The following PLCXD2 variants were observed in gnomAD, a reference collection of about 807,000 sequenced individuals.
PLCXD2 encodes the protein PI-PLC X domain-containing protein 2.
A neutral mutation model predicts 28.6 loss-of-function variants in PLCXD2; 21 were observed. That is an observed-to-expected ratio of 0.73 (90% CI 0.52 to 1.06). PLCXD2 has a LOEUF of 1.06. Ranked by LOEUF, PLCXD2 falls within the 50% of genes least tolerant of loss-of-function variation. PLCXD2 has a pLI of 0.00. For synonymous variants in PLCXD2, 140 were observed against 150.1 expected (o/e 0.93, Z 0.49); for missense variants, 369 against 376.7 (o/e 0.98, Z 0.17).
intron 2 of PLCXD2, 27 bp from the exon 3 acceptor site, chr3:111,713,860 C>G (rs369570290): frequency 1.9e-6 from 3 of 1,599,286 alleles, no homozygotes; most frequent in African/African-American, 1.3e-5. Flanking sequence ...ATGGATTGCT[C>G]TCCTTTTTGT....
rs940183496 is a variant in PLCXD2 at position 111,684,914 on chromosome 3, C to T, written c.163+9506C>T. The stretch of plus-strand genomic sequence containing the variant: ...AAGAGAAAGTGTCAGCAGGACTTGG[C>T]GATTAATTGGAGGGCAAAAGAGAAG... On this transcript the variant is annotated intron_variant, in intron 1 of 4. Coordinates refer to ENST00000477665, the MANE Select transcript of PLCXD2 (RefSeq NM_001185106.1). Among the ~76,000 whole-genome samples the T allele has an allele frequency of 7.9e-5, 12 of 151,902 alleles. No homozygotes were observed. In the South Asian group the frequency reaches 1.9e-3, roughly 24 times the overall value.
At chr3:111,701,010 G>T (rs1306301089) in intron 1 of PLCXD2, among the ~76,000 whole-genome samples, 1 of 152,114 alleles carries the variant, frequency 6.6e-6, no homozygotes, top group East Asian at 1.9e-4. Flanking sequence ...CAGAGTGGAG[G>T]CTAAGTTTTC....
intron 3 of PLCXD2, chr3:111,725,970 A>G (rs961594040): frequency 1.3e-5 from 5 of 397,876 alleles, no homozygotes; most frequent in Non-Finnish European, 2.2e-5. Context: ...AGTGATGTCC[A>G]ATACACTCTT....
At chr3:111,715,691 G>A (rs1358517718) in intron 3 of PLCXD2, among the ~76,000 whole-genome samples, 4 of 152,114 alleles carry the variant, frequency 2.6e-5, no homozygotes, top group Non-Finnish European at 4.4e-5. Flanking sequence ...TCTTTAGATG[G>A]GATTCAGGGA....
rs909674418 is a variant in PLCXD2 at position 111,680,255 on chromosome 3, C to T, written c.163+4847C>T. On this transcript the variant is annotated intron_variant, in intron 1 of 4. Coordinates refer to ENST00000477665, the MANE Select transcript of PLCXD2 (RefSeq NM_001185106.1). ...TCAGATCTTGCTTCTGAAAGTTGAA[C>T]CAGATTTGGCATATCTAAAAGAGAT... 3.3e-5 allele frequency among the ~76,000 whole-genome samples: 5 copies of T among 152,218 alleles called. No homozygotes were observed. In the South Asian group the frequency reaches 1.0e-3, roughly 32 times the overall value.
intron 1 of PLCXD2, among the ~76,000 whole-genome samples, chr3:111,695,858 T>C (rs932801670): frequency 2.6e-5 from 4 of 152,228 alleles, no homozygotes; most frequent in African/African-American, 7.2e-5. Context: ...TTAAAACTTA[T>C]GAATTGTTTA....
At chr3:111,702,945 G>A (rs1415135854) in intron 1 of PLCXD2, among the ~76,000 whole-genome samples, 1 of 152,150 alleles carries the variant, frequency 6.6e-6, no homozygotes, top group African/African-American at 2.4e-5. Flanking sequence ...TATAAATATT[G>A]TATGTGCAGG....
chr3:111,720,802 G>A (rs1275447858), intron 3 of PLCXD2: 6 of 416,692 alleles, frequency 1.4e-5, no homozygotes, highest in East Asian at 3.6e-5. Context: ...ATCTGACTTC[G>A]TGGACCTGGT....
chr3:111,706,363 C>T (rs781595269), intron 1 of PLCXD2, among the ~76,000 whole-genome samples: 2 of 152,014 alleles, frequency 1.3e-5, no homozygotes, highest in African/African-American at 2.4e-5. Context: ...AGGGTGGAGA[C>T]GTCAGTTTAA....
At chr3:111,714,255 AC>A in intron 3 of PLCXD2, 127 bp downstream of exon 3, 1 of 1,274,836 alleles carries the variant, frequency 7.8e-7, no homozygotes, top group African/African-American at 1.5e-5. Context: ...CAAGCAAAAA[AC>A]TTTGTATTCG....
intron 3 of PLCXD2, chr3:111,721,245 G>A (rs1294594088): frequency 6.4e-6 from 1 of 155,658 alleles, no homozygotes; most frequent in Non-Finnish European, 1.4e-5. Context: ...CTGGGGTGTT[G>A]TGTTTGAGCC....
intron 1 of PLCXD2, among the ~76,000 whole-genome samples, chr3:111,686,053 C>T (rs911049575): frequency 6.6e-6 from 1 of 152,134 alleles, no homozygotes; most frequent in Non-Finnish European, 1.5e-5. Context: ...CCTTTGGTGC[C>T]CCTCTGGCAA....
intron 3 of PLCXD2, 139 bp downstream of exon 3, chr3:111,714,267 A>T: frequency 8.5e-7 from 1 of 1,177,848 alleles, no homozygotes; most frequent in Non-Finnish European, 1.2e-6. Flanking sequence ...TTTGTATTCG[A>T]GAAAACCATG....
At chr3:111,710,428 T>G (rs868760275) in intron 2 of PLCXD2, among the ~76,000 whole-genome samples, 1 of 152,242 alleles carries the variant, frequency 6.6e-6, no homozygotes, top group Non-Finnish European at 1.5e-5. Context: ...TTTGATCCTC[T>G]CAGTGACACC....
At chr3:111,687,736 G>C (rs1185041842) in intron 1 of PLCXD2, among the ~76,000 whole-genome samples, 1 of 150,664 alleles carries the variant, frequency 6.6e-6, no homozygotes, top group Non-Finnish European at 1.5e-5. Flanking sequence ...ACCCAAGCTG[G>C]AGTACAGTGA....
At chr3:111,691,064 G>A (rs1421351790) in intron 1 of PLCXD2, among the ~76,000 whole-genome samples, 2 of 151,660 alleles carry the variant, frequency 1.3e-5, no homozygotes, top group Admixed American at 1.3e-4. Context: ...AGGAATCTGT[G>A]TGAGCAGAAA....
chr3:111,720,895 T>C, intron 3 of PLCXD2: 1 of 416,774 alleles, frequency 2.4e-6, no homozygotes, highest in Non-Finnish European at 4.4e-6. Context: ...TAATTTTTAA[T>C]TTAACCTTAA....
At position 111,708,036 on chromosome 3, in the gene PLCXD2, A is replaced by AG. The variant is rs1559796438; in HGVS notation, c.274_275insG (p.Lys92ArgfsTer23). The AG allele has an allele frequency of 1.9e-6, 3 of 1,614,204 alleles. No individual in the cohort carries two copies. Among genetic ancestry groups the AG allele is most frequent in the Non-Finnish European group, 2.5e-6 (3 of 1,180,030 alleles). On this transcript the variant is annotated frameshift_variant, in exon 2 of 5. Coordinates refer to ENST00000477665, the MANE Select transcript of PLCXD2 (RefSeq NM_001185106.1). LOFTEE classifies it high-confidence loss of function. ...GATCTCCTTGGTGAAGAAGCTAATG[A>AG]AGAAGTGGTCTGTGACTCAGAACCT...
intron 1 of PLCXD2, among the ~76,000 whole-genome samples, chr3:111,701,854 G>A (rs1941048638): frequency 6.6e-6 from 1 of 152,208 alleles, no homozygotes; most frequent in South Asian, 2.1e-4. Context: ...AAGATTTCAA[G>A]TCTGAGTGAC....
Sources: allele counts gnomAD v4.1 joint callset (sites outside exome capture counted in the v4.1 genomes callset), GRCh38; gene constraint gnomAD v4.1.1; transcripts MANE v1.5; gene names NCBI Gene and HGNC (gene_info 2026-07-23, HGNC 2026-07-21).